Variants in RBBP7 observed in about 807,000 individuals in gnomAD.
RBBP7 encodes the protein RB binding protein 7, chromatin remodeling factor, also known as histone-binding protein RBBP7.
In RBBP7, 5 loss-of-function variants were observed where a neutral mutation model predicts 35.2. That is an observed-to-expected ratio of 0.14 (90% CI 0.07 to 0.30). RBBP7 has a LOEUF of 0.30. RBBP7 is among the 10% of genes least tolerant of loss of function. RBBP7 has a pLI of 1.00. For missense variants in RBBP7, 155 were observed against 327.5 expected (o/e 0.47, Z 4.07); for synonymous variants, 140 against 118.7 (o/e 1.18, Z -1.17).
intron 9 of RBBP7, among the ~76,000 whole-genome samples, chrX:16,851,225 C>T (rs1328913462): frequency 9.0e-6 from 1 of 111,604 alleles, no homozygotes; most frequent in Non-Finnish European, 1.9e-5. Context: ...TGCAAATATT[C>T]CAAAATCCTA....
At chrX:16,847,963 G>C (rs953067452) in intron 10 of RBBP7, 1 of 111,682 alleles carries the variant, frequency 9.0e-6, no homozygotes, top group Non-Finnish European at 1.9e-5. Context: ...TGTTGCAGAG[G>C]CATAATATAC....
rs1930023202 is a variant in RBBP7 at position 16,844,678 on chromosome X, GC to G, written c.*356del. On this transcript the variant is annotated 3_prime_UTR_variant, in exon 12 of 12. Transcript: ENST00000380087. Reference sequence around the variant, plus strand: ...TATTTTAAAACTTTATTTCTGCAAAGCCAATCAAGAAGTGTTGGAAGGAAAA... The same window carrying G: ...TATTTTAAAACTTTATTTCTGCAAAGCAATCAAGAAGTGTTGGAAGGAAAA... 8.7e-6 allele frequency: 1 copy of G among 115,222 alleles called. No individual in the cohort carries two copies. The highest frequency in any genetic ancestry group is 1.7e-5 in the Non-Finnish European group (1 of 58,645). The allele number at this position is 115,222 out of a possible 1,213,427, so 9.5% of individuals were successfully genotyped here.
At position 16,869,633 on chromosome X, in the gene RBBP7, G is replaced by A. The variant is rs771272571; in HGVS notation, c.16+405C>T. On this transcript the variant is annotated intron_variant, in intron 1 of 11. Transcript: ENST00000380087. ...CCCCAGCTCCCACGACGCCCGCCTC[G>A]GCAGCCATAGGCCTGAGGACCCCAG... is the stretch of plus-strand genomic sequence containing the variant. 139 of 1,157,998 alleles carry A rather than the reference G, an allele frequency of 1.2e-4. No homozygotes were observed. In the African/African-American group the frequency reaches 2.2e-3, roughly 18 times the overall value.
chrX:16,862,833 T>G (rs1930507351), intron 3 of RBBP7, 122 bp downstream of exon 3: 1 of 803,372 alleles, frequency 1.2e-6, no homozygotes, highest in East Asian at 3.3e-5. Flanking sequence ...GGAAGTTCTG[T>G]AGAATAAAGT....
intron 1 of RBBP7, chrX:16,869,724 G>T (rs1340670135): frequency 3.1e-6 from 3 of 982,514 alleles, no homozygotes; most frequent in Non-Finnish European, 3.8e-6. Flanking sequence ...AAAGAGCCGC[G>T]GCGCTCGCTT....
intron 10 of RBBP7, 145 bp downstream of exon 10, chrX:16,849,099 C>A: frequency 2.3e-6 from 1 of 431,957 alleles, no homozygotes. Context: ...AATGTCAAAG[C>A]CCAGTTGCAA....
chrX:16,853,374 T>C (rs899592102), intron 6 of RBBP7: 1 of 189,107 alleles, frequency 5.3e-6, no homozygotes, highest in African/African-American at 3.0e-5. Context: ...CATACCTAGT[T>C]TTCTTTTTTT....
chrX:16,856,382 T>C (rs923051140), intron 5 of RBBP7, among the ~76,000 whole-genome samples: 1 of 110,713 alleles, frequency 9.0e-6, no homozygotes, highest in Non-Finnish European at 1.9e-5. Context: ...GTACGAAAAT[T>C]AGCTGGGTTT....
chrX:16,859,187 C>T (rs1332084484), intron 3 of RBBP7, among the ~76,000 whole-genome samples: 2 of 112,416 alleles, frequency 1.8e-5, no homozygotes, highest in East Asian at 2.8e-4. Context: ...AGACCAATAG[C>T]TTTTTAGTTC....
rs184042755 is a variant in RBBP7, at chrX:16,852,497, T to C, written c.963+54A>G. On this transcript the variant is annotated intron_variant, in intron 8 of 11. Transcript: ENST00000380087. ...CACGAGTCTGGTATAGCTTAACTGATGAATCCCTGGATTTCATTTCCTGAC... is the reference window on the plus strand; with the variant it reads ...CACGAGTCTGGTATAGCTTAACTGACGAATCCCTGGATTTCATTTCCTGAC... 6.9e-6 allele frequency: 8 copies of C among 1,155,411 alleles called. No homozygotes were observed. In the African/African-American group the frequency reaches 7.1e-5, roughly 10 times the overall value.
intron 10 of RBBP7, 193 bp from the exon 11 acceptor site, chrX:16,846,131 A>G (rs887449222): frequency 3.4e-6 from 2 of 586,780 alleles, no homozygotes; most frequent in Non-Finnish European, 4.9e-6. Flanking sequence ...TAGGTGACAG[A>G]ATATAGTACA....
rs1484147639 is a variant in RBBP7 at position 16,869,514 on chromosome X, G to A, written c.17-294C>T. 1 of 1,165,304 alleles carries A rather than the reference G, an allele frequency of 8.6e-7. No individual in the cohort carries two copies. The highest frequency in any genetic ancestry group is 1.1e-6 in the Non-Finnish European group (1 of 872,525). On this transcript the variant is annotated intron_variant, in intron 1 of 11. Coordinates refer to ENST00000380087, the MANE Select transcript of RBBP7 (RefSeq NM_002893.4). ...CGCACCTGTTCTAAGATGACGACCT[G>A]TACGTACAGGGGCTGCGCGACCCAG...
chrX:16,861,896 G>A (rs1810560279), intron 3 of RBBP7, among the ~76,000 whole-genome samples: 1 of 111,674 alleles, frequency 9.0e-6, no homozygotes, highest in African/African-American at 3.3e-5. Context: ...AATGGACCGC[G>A]TTGTACCAGT....
At chrX:16,850,715 A>C (rs760509095) in intron 9 of RBBP7, among the ~76,000 whole-genome samples, 44 of 112,161 alleles carry the variant, frequency 3.9e-4, no homozygotes, top group African/African-American at 1.4e-3. Context: ...TCTATAATTA[A>C]GGCAGCCTTG....
At chrX:16,855,689 G>T (rs1930330275) in intron 5 of RBBP7, among the ~76,000 whole-genome samples, 1 of 110,769 alleles carries the variant, frequency 9.0e-6, no homozygotes, top group Admixed American at 9.6e-5. Context: ...TTCCCTACTT[G>T]GGAAACCGTC....
chrX:16,862,326 T>C (rs767126348), intron 3 of RBBP7, among the ~76,000 whole-genome samples: 1 of 111,419 alleles, frequency 9.0e-6, no homozygotes, highest in African/African-American at 3.3e-5. Context: ...GGAGAGTATA[T>C]GTTTGACAAA....
chrX:16,852,953 TCCA>T, intron 6 of RBBP7, 78 bp from the exon 7 acceptor site: 1 of 1,190,261 alleles, frequency 8.4e-7, no homozygotes, highest in Non-Finnish European at 1.1e-6. Flanking sequence ...GTCACTGCAC[TCCA>T]CAACTAGCTC....
chrX:16,855,280 G>A (rs1296968869), intron 5 of RBBP7, among the ~76,000 whole-genome samples: 1 of 112,067 alleles, frequency 8.9e-6, no homozygotes, highest in Non-Finnish European at 1.9e-5. Flanking sequence ...TTGTACTCCT[G>A]ACTTCAGGTG....
chrX:16,844,877 G>A lies in RBBP7; in HGVS notation c.*158C>T, dbSNP rs907989245. On this transcript the variant is annotated 3_prime_UTR_variant, in exon 12 of 12. Coordinates refer to ENST00000380087, the MANE Select transcript of RBBP7 (RefSeq NM_002893.4). Reference sequence around the variant, plus strand: ...TCCCTAATAGCTACAATATGATACAGTACGCAACAGCTCACTTGAAAGTGC... The same window carrying A: ...TCCCTAATAGCTACAATATGATACAATACGCAACAGCTCACTTGAAAGTGC... 8 of 444,726 alleles carry A rather than the reference G, an allele frequency of 1.8e-5. No homozygotes were observed. Among genetic ancestry groups the A allele is most frequent in the Non-Finnish European group, 3.2e-5 (8 of 250,797 alleles). The allele number at this position is 444,726 out of a possible 1,213,427, so 36.7% of individuals were successfully genotyped here. A position where few individuals can be genotyped will look rare whatever the true frequency, so the allele number is the denominator to read the frequency against.
Sources: allele counts gnomAD v4.1 joint callset (sites outside exome capture counted in the v4.1 genomes callset), GRCh38; gene constraint gnomAD v4.1.1; transcripts MANE v1.5; gene names NCBI Gene and HGNC (gene_info 2026-07-23, HGNC 2026-07-21).